The following MACROD2 variants were observed in gnomAD, a reference collection of about 807,000 sequenced individuals.
MACROD2 encodes mono-ADP ribosylhydrolase 2, also known as ADP-ribose glycohydrolase MACROD2.
In MACROD2, 36 loss-of-function variants were observed where a neutral mutation model predicts 70.4. That is an observed-to-expected ratio of 0.51 (90% CI 0.39 to 0.68). MACROD2 has a LOEUF of 0.68. MACROD2 is among the 30% of genes least tolerant of loss of function. The probability of loss-of-function intolerance (pLI) is 0.00; values close to 1 mark genes in which losing one functional copy is unlikely to be tolerated. For synonymous variants in MACROD2, 172 were observed against 178.8 expected (o/e 0.96, Z 0.30); for missense variants, 496 against 538.4 (o/e 0.92, Z 0.78).
chr20:15,474,928 C>T (rs6043307), intron 7 of MACROD2, among the ~76,000 whole-genome samples: 47,017 of 151,652 alleles, frequency 0.31, 8,702 homozygotes, highest in African/African-American at 0.52. Flanking sequence ...GAGGCAGGAT[C>T]GCTTCCCCCT....
intron 5 of MACROD2, among the ~76,000 whole-genome samples, chr20:14,747,141 A>C (rs1241072952): frequency 4.6e-5 from 7 of 152,162 alleles, no homozygotes; most frequent in Non-Finnish European, 8.8e-5. Flanking sequence ...TGCCAGATCC[A>C]AGCTGGGAGT....
At chr20:16,024,187 T>C (rs1420571498) in intron 15 of MACROD2, among the ~76,000 whole-genome samples, 2 of 152,208 alleles carry the variant, frequency 1.3e-5, no homozygotes. Context: ...CCTAAATTCA[T>C]ACAAGTGTGG....
chr20:14,637,596 CTT>C lies in MACROD2; in HGVS notation c.302-47246_302-47245del, dbSNP rs1188956435. The stretch of plus-strand genomic sequence containing the variant: ...GTATAGTTTTACATGTGTAGACTCT[CTT>C]CTTCGTTACGATTTGCCAATCCCCT... On this transcript the variant is annotated intron_variant, in intron 4 of 17. Transcript: ENST00000684519. Among the ~76,000 whole-genome samples, 15 of 152,150 alleles carry C rather than the reference CTT, an allele frequency of 9.9e-5. No individual in the cohort carries two copies. The East Asian group carries it at 2.7e-3, about 27-fold the overall frequency.
chr20:14,423,840 G>A (rs1350245815), intron 3 of MACROD2, among the ~76,000 whole-genome samples: 1 of 122,382 alleles, frequency 8.2e-6, no homozygotes, highest in Non-Finnish European at 1.6e-5. Context: ...TCGGCTCACC[G>A]CAACCTTCGC....
At chr20:15,439,031 T>C (rs370052829) in intron 7 of MACROD2, among the ~76,000 whole-genome samples, 83 of 152,318 alleles carry the variant, frequency 5.4e-4, no homozygotes, top group African/African-American at 1.6e-3. Context: ...GTCCACCCTG[T>C]CAAGGTAAAA....
At chr20:14,119,653 C>T (rs1291716546) in intron 3 of MACROD2, among the ~76,000 whole-genome samples, 2 of 152,274 alleles carry the variant, frequency 1.3e-5, no homozygotes, top group South Asian at 2.1e-4. Context: ...CTGCAGGCCT[C>T]GCCATTTTTT....
At chr20:14,452,485 G>A (rs1420485215) in intron 3 of MACROD2, among the ~76,000 whole-genome samples, 1 of 151,986 alleles carries the variant, frequency 6.6e-6, no homozygotes, top group African/African-American at 2.4e-5. Context: ...TAATTTTAGT[G>A]AGTCATTACA....
intron 7 of MACROD2, among the ~76,000 whole-genome samples, chr20:15,479,143 C>G (rs2047060573): frequency 6.6e-6 from 1 of 152,156 alleles, no homozygotes; most frequent in African/African-American, 2.4e-5. Context: ...GAAGGATGGC[C>G]TTCTCTTGAC....
chr20:15,710,547 A>T (rs2050611706), intron 8 of MACROD2, among the ~76,000 whole-genome samples: 2 of 152,194 alleles, frequency 1.3e-5, no homozygotes, highest in African/African-American at 4.8e-5. Flanking sequence ...TCTTCATCCA[A>T]AAGGGAAGTT....
At position 15,095,776 on chromosome 20, in the gene MACROD2, C is replaced by G. The variant is rs556132252; in HGVS notation, c.419-134164C>G. 2.0e-5 allele frequency among the ~76,000 whole-genome samples: 3 copies of G among 152,190 alleles called. No homozygotes were observed. The East Asian group carries it at 5.8e-4, about 29-fold the overall frequency. ...TCGTGATCCACCCACCTTGGCCTCC[C>G]GAAGTGCTGGGATTACAGGCGTGAG... On this transcript the variant is annotated intron_variant, in intron 5 of 17. Transcript: ENST00000684519.
At chr20:14,423,393 G>A (rs2083896448) in intron 3 of MACROD2, among the ~76,000 whole-genome samples, 1 of 151,560 alleles carries the variant, frequency 6.6e-6, no homozygotes, top group Admixed American at 6.6e-5. Context: ...GGGGCAGGCG[G>A]TGGGGGTGTT....
At chr20:14,876,054 A>G (rs1455402628) in intron 5 of MACROD2, among the ~76,000 whole-genome samples, 2 of 152,076 alleles carry the variant, frequency 1.3e-5, no homozygotes, top group African/African-American at 4.8e-5. Context: ...ACTGCTTTCT[A>G]CAGTTTAGAA....
At chr20:14,716,341 C>T (rs1177813772) in intron 5 of MACROD2, among the ~76,000 whole-genome samples, 1 of 152,168 alleles carries the variant, frequency 6.6e-6, no homozygotes, top group African/African-American at 2.4e-5. Context: ...AATCAAAGCC[C>T]TTGCTTCCTT....
chr20:14,898,937 A>G (rs1406934944), intron 5 of MACROD2, among the ~76,000 whole-genome samples: 1 of 152,172 alleles, frequency 6.6e-6, no homozygotes, highest in African/African-American at 2.4e-5. Flanking sequence ...ATGACACTAA[A>G]AATTCTTCAT....
intron 8 of MACROD2, among the ~76,000 whole-genome samples, chr20:15,823,257 A>C (rs1335005729): frequency 9.3e-5 from 14 of 150,916 alleles, no homozygotes; most frequent in African/African-American, 3.2e-4. Context: ...AATATAAGAT[A>C]GCAGCAGGTG....
chr20:14,666,297 C>T (rs927798264), intron 4 of MACROD2, among the ~76,000 whole-genome samples: 2 of 152,118 alleles, frequency 1.3e-5, no homozygotes, highest in Non-Finnish European at 2.9e-5. Flanking sequence ...AAATTATTAC[C>T]TAGCAAAAAT....
At chr20:15,678,669 A>G (rs2050113340) in intron 8 of MACROD2, among the ~76,000 whole-genome samples, 1 of 152,212 alleles carries the variant, frequency 6.6e-6, no homozygotes, top group South Asian at 2.1e-4. Flanking sequence ...CTAGTTCACT[A>G]TATAATGATC....
chr20:14,569,046 T>C (rs1332829989), intron 4 of MACROD2, among the ~76,000 whole-genome samples: 2 of 152,048 alleles, frequency 1.3e-5, no homozygotes, highest in Admixed American at 6.6e-5. Context: ...TCTGAAATTC[T>C]GTTTTGCTTC....
At chr20:14,182,368 A>G (rs1019371049) in intron 3 of MACROD2, among the ~76,000 whole-genome samples, 1 of 152,078 alleles carries the variant, frequency 6.6e-6, no homozygotes, top group Non-Finnish European at 1.5e-5. Context: ...TTTTCATATT[A>G]TAATACTAGA....
Sources: gnomAD v4.1 joint callset for allele counts (sites outside exome capture counted in the v4.1 genomes callset) on GRCh38, gnomAD v4.1.1 for gene constraint, MANE v1.5 for transcripts, NCBI Gene and HGNC (gene_info 2026-07-23, HGNC 2026-07-21) for gene names.